The following USP22 variants were observed in gnomAD, a reference collection of about 807,000 sequenced individuals.
USP22 encodes ubiquitin specific peptidase 22, also known as ubiquitin carboxyl-terminal hydrolase 22.
USP22 carries 22 observed loss-of-function variants against 68.1 expected under a neutral mutation model. The observed-to-expected ratio is 0.32, with a 90% CI of 0.23 to 0.46. The LOEUF is 0.46. USP22 is among the 20% of genes least tolerant of loss of function. USP22 has a pLI of 1.00. For missense variants in USP22, 433 were observed against 695.8 expected (o/e 0.62, Z 4.25); for synonymous variants, 279 against 274.2 (o/e 1.02, Z -0.17).
intron 7 of USP22, 23 bp from the exon 8 acceptor site, chr17:21,011,332 G>A: frequency 6.4e-7 from 1 of 1,551,662 alleles, no homozygotes; most frequent in Non-Finnish European, 8.7e-7. Flanking sequence ...GGAAAACAAT[G>A]GCTGTGAGGA....
At chr17:21,041,494 A>T (rs569094758) in intron 1 of USP22, among the ~76,000 whole-genome samples, 3 of 152,228 alleles carry the variant, frequency 2.0e-5, no homozygotes, top group African/African-American at 7.2e-5. Context: ...GCTACTCAGG[A>T]GGCTGAGGCA....
chr17:21,002,333 G>A lies in USP22; in HGVS notation c.*698C>T, dbSNP rs1455886356. ...ACTCAGTAATTCATTCACTTTACTAGTATTACATTTATGAAATTCACCTTT... is the reference window on the plus strand; with the variant it reads ...ACTCAGTAATTCATTCACTTTACTAATATTACATTTATGAAATTCACCTTT... On this transcript the variant is annotated 3_prime_UTR_variant, in exon 13 of 13. Coordinates refer to ENST00000261497, the MANE Select transcript of USP22 (RefSeq NM_015276.2). 6.6e-6 allele frequency: 1 copy of A among 152,256 alleles called. No individual in the cohort carries two copies. The highest frequency in any genetic ancestry group is 6.5e-5 in the Admixed American group (1 of 15,286). 9.4% of individuals were successfully genotyped at this position (152,256 alleles called of 1,614,324 possible).
chr17:21,004,152 G>C (rs778008021), intron 12 of USP22, 50 bp downstream of exon 12: 1 of 1,598,536 alleles, frequency 6.3e-7, no homozygotes, highest in South Asian at 1.1e-5. Flanking sequence ...ATACCGGAGG[G>C]GAAGCACCGT....
rs1913516625 is a variant in USP22 at position 21,000,289 on chromosome 17, T to C, written c.*2742A>G. 1 of 152,228 alleles carries C rather than the reference T, an allele frequency of 6.6e-6. No individual in the cohort carries two copies. The highest frequency in any genetic ancestry group is 2.4e-5 in the African/African-American group (1 of 41,454). The allele number at this position is 152,228 out of a possible 1,614,324, so 9.4% of individuals were successfully genotyped here. On this transcript the variant is annotated 3_prime_UTR_variant, in exon 13 of 13. Coordinates refer to ENST00000261497, the MANE Select transcript of USP22 (RefSeq NM_015276.2). ...TCCTGAACCCAACGCGTAAATATTT[T>C]GTTCTGACAAAGTAAATTCACAAGA...
Position 21,008,003 on chromosome 17 carries a change from G to A in USP22, c.1104-7C>T, listed in dbSNP as rs765663868. 21 of 1,613,104 alleles carry A rather than the reference G, an allele frequency of 1.3e-5. No homozygotes were observed. In the East Asian group the frequency reaches 4.7e-4, roughly 36 times the overall value. ...GTGCTCTGGTCTGGTGAATCTACAG[G>A]CGTTCAAAAAAGACAGGAGCGGTAA... On this transcript the variant is annotated splice_region_variant and splice_polypyrimidine_tract_variant and intron_variant, in intron 8 of 12. Coordinates refer to ENST00000261497, the MANE Select transcript of USP22 (RefSeq NM_015276.2).
intron 7 of USP22, among the ~76,000 whole-genome samples, chr17:21,011,985 C>CT (rs1437131542): frequency 6.6e-6 from 1 of 152,154 alleles, no homozygotes; most frequent in Non-Finnish European, 1.5e-5. Context: ...GTCTATGCTC[C>CT]TTATAGAAAA....
At position 21,011,005 on chromosome 17, in the gene USP22, CAA is replaced by C. The variant is rs368754608; in HGVS notation, c.1103+144_1103+145del. 1.3e-4 allele frequency: 150 copies of C among 1,150,610 alleles called. 3 individuals carry two copies. In the African/African-American group the frequency reaches 1.9e-3, roughly 15 times the overall value. 71.3% of individuals were successfully genotyped at this position (1,150,610 alleles called of 1,614,324 possible). ...GGCCAAAACAAAGGACAAACTAGCA[CAA>C]GAGACTGCAGCCAATCCAGGCTCAT... On this transcript the variant is annotated intron_variant, in intron 8 of 12. Transcript: ENST00000261497.
intron 2 of USP22, among the ~76,000 whole-genome samples, chr17:21,021,822 A>AG (rs1441468867): frequency 6.6e-6 from 1 of 152,218 alleles, no homozygotes; most frequent in Non-Finnish European, 1.5e-5. Context: ...CTAATAGGCC[A>AG]GGAGCTGTGA....
chr17:21,009,476 C>T (rs1221403683), intron 8 of USP22, among the ~76,000 whole-genome samples: 2 of 152,144 alleles, frequency 1.3e-5, no homozygotes, highest in African/African-American at 2.4e-5. Flanking sequence ...CCCGGGTGCA[C>T]TCTACCTCTC....
At chr17:21,025,565 T>C (rs938121766) in intron 2 of USP22, among the ~76,000 whole-genome samples, 4 of 152,160 alleles carry the variant, frequency 2.6e-5, no homozygotes, top group Non-Finnish European at 4.4e-5. Flanking sequence ...AGTGGCACTA[T>C]TCCTAAGCAC....
rs77191285 is a variant in USP22 at position 21,004,530 on chromosome 17, C to G, written c.1386-179G>C. ...GGAACTAAGGGAGCCTGGTCACCCC[C>G]CTTGGCTCTAGCCCGGGTCCAGGCG... On this transcript the variant is annotated intron_variant, in intron 11 of 12. Coordinates refer to ENST00000261497, the MANE Select transcript of USP22 (RefSeq NM_015276.2). 7.7e-3 allele frequency among the ~76,000 whole-genome samples: 1,170 copies of G among 152,316 alleles called. 15 individuals carry two copies. Among genetic ancestry groups the G allele is most frequent in the African/African-American group, 0.027 (1,102 of 41,564 alleles).
chr17:21,039,446 G>A (rs929845390), intron 1 of USP22, among the ~76,000 whole-genome samples: 2 of 151,696 alleles, frequency 1.3e-5, no homozygotes, highest in South Asian at 2.1e-4. Flanking sequence ...GCATGGTGGC[G>A]CATGCCTGTA....
intron 2 of USP22, among the ~76,000 whole-genome samples, 177 bp downstream of exon 2, chr17:21,028,365 C>T (rs955334324): frequency 6.6e-6 from 1 of 152,166 alleles, no homozygotes; most frequent in Non-Finnish European, 1.5e-5. Flanking sequence ...ACTGAGGACG[C>T]GATTCAGCTG....
At chr17:21,007,645 C>T (rs1403450393) in intron 9 of USP22, among the ~76,000 whole-genome samples, 1 of 152,110 alleles carries the variant, frequency 6.6e-6, no homozygotes, top group Non-Finnish European at 1.5e-5. Flanking sequence ...AGAAAACTCA[C>T]ATTCTACTTT....
At chr17:21,022,780 C>T (rs1222003282) in intron 2 of USP22, among the ~76,000 whole-genome samples, 1 of 135,828 alleles carries the variant, frequency 7.4e-6, no homozygotes, top group Non-Finnish European at 1.5e-5. Flanking sequence ...GCCTGGGCAA[C>T]AGAGCGAGAC....
At chr17:21,042,006 C>G (rs1308995611) in intron 1 of USP22, among the ~76,000 whole-genome samples, 2 of 152,174 alleles carry the variant, frequency 1.3e-5, no homozygotes, top group Non-Finnish European at 2.9e-5. Flanking sequence ...TCGCGGGCCC[C>G]GAGGCAGCCG....
chr17:21,017,893 G>T lies in USP22; in HGVS notation c.690+49C>A, dbSNP rs1450155585. The T allele has an allele frequency of 2.5e-6, 4 of 1,589,962 alleles. No individual in the cohort carries two copies. In the Admixed American group the frequency reaches 5.5e-5, roughly 22 times the overall value. On this transcript the variant is annotated intron_variant, in intron 5 of 12. Transcript: ENST00000261497. ...CACCTTAAATTTTTTTTTTGAAGGTGAAAACAAAGTAACAGAAATGTTCCC... is the reference window on the plus strand; with the variant it reads ...CACCTTAAATTTTTTTTTTGAAGGTTAAAACAAAGTAACAGAAATGTTCCC...
intron 1 of USP22, among the ~76,000 whole-genome samples, chr17:21,029,477 C>T (rs963072772): frequency 1.1e-4 from 17 of 152,226 alleles, no homozygotes; most frequent in African/African-American, 4.1e-4. Context: ...AGGAGAATTC[C>T]ATCTAATAAA....
At chr17:21,004,146 C>G in intron 12 of USP22, 56 bp downstream of exon 12, 1 of 1,593,092 alleles carries the variant, frequency 6.3e-7, no homozygotes, top group Non-Finnish European at 8.6e-7. Context: ...TCAGCTATAC[C>G]GGAGGGGAAG....
Sources: allele counts gnomAD v4.1 joint callset (sites outside exome capture counted in the v4.1 genomes callset), GRCh38; gene constraint gnomAD v4.1.1; transcripts MANE v1.5; gene names NCBI Gene and HGNC (gene_info 2026-07-23, HGNC 2026-07-21).